MRPL48: variants seen among roughly 807,000 people sequenced by gnomAD.
MRPL48 encodes the protein mitochondrial ribosomal protein L48.
Under a neutral mutation model 32.9 loss-of-function variants are expected in MRPL48, and 16 were observed. The ratio of observed to expected loss-of-function variants is 0.49; its 90% CI spans 0.33 to 0.74. The LOEUF (loss-of-function observed/expected upper bound fraction) is 0.74. Ranked by LOEUF, MRPL48 falls within the 30% of genes least tolerant of loss-of-function variation. The probability of loss-of-function intolerance (pLI) is 0.02; values close to 1 mark genes in which losing one functional copy is unlikely to be tolerated. For missense variants in MRPL48, 206 were observed against 245.3 expected, an observed-to-expected ratio of 0.84 and a Z score of 1.07; for synonymous variants, 94 against 89.2, an observed-to-expected ratio of 1.05 and a Z score of -0.31.
intron 1 of MRPL48, 29 bp downstream of exon 1, chr11:73,788,021 C>CGGGGAGATGGCGGACGGTGCAGAGA (rs148301540): frequency 0.067 from 105,188 of 1,580,736 alleles, 11,429 homozygotes; most frequent in African/African-American, 0.12. Context: ...ACGCGGGGCG[C>CGGGGAGATGGCGGACGGTGCAGAGA]GGGGAGATGG....
chr11:73,859,653 G>A (rs145334279), intron 5 of MRPL48, among the ~76,000 whole-genome samples: 14 of 151,684 alleles, frequency 9.2e-5, no homozygotes, highest in African/African-American at 1.9e-4. Context: ...GGTTTTATTC[G>A]GAGTATTGTA....
At chr11:73,838,597 C>CGTCT (rs1338440819) in intron 4 of MRPL48, among the ~76,000 whole-genome samples, 1 of 152,222 alleles carries the variant, frequency 6.6e-6, no homozygotes, top group East Asian at 1.9e-4. Flanking sequence ...GCATTCTAGA[C>CGTCT]AGCTCTTACT....
chr11:73,824,584 C>CAA (rs962587652), intron 3 of MRPL48, among the ~76,000 whole-genome samples: 2 of 137,750 alleles, frequency 1.5e-5, no homozygotes, highest in Admixed American at 7.4e-5. Context: ...GACTCTATCT[C>CAA]AAAAAAAAAA....
chr11:73,843,675 G>A (rs988118627), intron 4 of MRPL48, among the ~76,000 whole-genome samples: 1 of 152,216 alleles, frequency 6.6e-6, no homozygotes, highest in African/African-American at 2.4e-5. Flanking sequence ...CGAGCTAGGA[G>A]TAGAAGAGAA....
intron 3 of MRPL48, among the ~76,000 whole-genome samples, chr11:73,823,476 A>T (rs945709010): frequency 2.0e-5 from 3 of 152,130 alleles, no homozygotes; most frequent in African/African-American, 7.2e-5. Flanking sequence ...GCTCAAAAAA[A>T]TTTGGTGAAA....
At chr11:73,815,510 A>G (rs1180078763) in intron 3 of MRPL48, among the ~76,000 whole-genome samples, 8 of 59,742 alleles carry the variant, frequency 1.3e-4, no homozygotes, top group East Asian at 4.3e-4. Context: ...TAAGTTTTTT[A>G]TTTGGAGTCA....
rs58486952 is a variant in MRPL48 at position 73,853,680 on chromosome 11, C to CTTTTTTTTTTTTTTTTTTTTTTTTT, written c.372-6223_372-6199dup. Among the ~76,000 whole-genome samples, 2 of 79,118 alleles carry CTTTTTTTTTTTTTTTTTTTTTTTTT rather than the reference C, an allele frequency of 2.5e-5. 1 individual carries two copies. 51.9% of individuals were successfully genotyped at this position (79,118 alleles called of 152,430 possible). A position where few individuals can be genotyped will look rare whatever the true frequency, so the allele number is the denominator to read the frequency against. ...AGCTGGCGGGAATTAGAGATAGCTTCTTTTTTTTTTTTTTTTTTTTTTTTT... is the reference window on the plus strand; with the variant it reads ...AGCTGGCGGGAATTAGAGATAGCTTCTTTTTTTTTTTTTTTTTTTTTTTTTTTTTTTTTTTTTTTTTTTTTTTTTT... On this transcript the variant is annotated intron_variant, in intron 5 of 7. Transcript: ENST00000310614.
At chr11:73,834,564 C>T (rs763608431) in intron 4 of MRPL48, among the ~76,000 whole-genome samples, 74 of 146,442 alleles carry the variant, frequency 5.1e-4, no homozygotes, top group Non-Finnish European at 8.2e-4. Flanking sequence ...GACGGAGTCT[C>T]GCTCTGTCAC....
rs770999832 is a variant in MRPL48 at position 73,825,802 on chromosome 11, G to A, written c.201+6G>A. On this transcript the variant is annotated splice_donor_region_variant and intron_variant, in intron 4 of 7. Transcript: ENST00000310614. ...ACTTAATTAAAGCAGAAGAGGTAAC[G>A]GGCAGGGGGAGTCTTTTGGAAAAGG... 6 of 1,556,320 alleles carry A rather than the reference G, an allele frequency of 3.9e-6. No individual in the cohort carries two copies. Among genetic ancestry groups the A allele is most frequent in the Admixed American group, 1.9e-5 (1 of 51,386 alleles).
At chr11:73,800,086 C>T (rs944044874) in intron 1 of MRPL48, among the ~76,000 whole-genome samples, 32 of 151,846 alleles carry the variant, frequency 2.1e-4, no homozygotes, top group Non-Finnish European at 4.4e-5. Flanking sequence ...AATAATGCCC[C>T]ATCAGAGAGG....
In MRPL48 at chr11:73,792,228, T is replaced by C. The variant is rs374790265; in HGVS notation, c.21+4236T>C. 2.0e-5 allele frequency among the ~76,000 whole-genome samples: 3 copies of C among 152,346 alleles called. No individual in the cohort carries two copies. The East Asian group carries it at 5.8e-4, about 29-fold the overall frequency. On this transcript the variant is annotated intron_variant, in intron 1 of 7. Transcript: ENST00000310614. ...TGATGATCATGATGGCAGGATGGTA[T>C]CTAGGGAAGTTAGAATGCACCAAGG...
chr11:73,842,151 A>G (rs1012879047), intron 4 of MRPL48: 10 of 152,112 alleles, frequency 6.6e-5, no homozygotes, highest in Non-Finnish European at 2.9e-5. Flanking sequence ...GGATTTTGCC[A>G]TGTTATCCAG....
At chr11:73,847,423 C>T (rs1948312954) in intron 5 of MRPL48, among the ~76,000 whole-genome samples, 1 of 150,430 alleles carries the variant, frequency 6.6e-6, no homozygotes, top group African/African-American at 2.4e-5. Flanking sequence ...CAAAATTGTT[C>T]ATCTATTTTT....
intron 3 of MRPL48, 129 bp downstream of exon 3, chr11:73,808,479 A>G (rs1448143789): frequency 2.5e-5 from 21 of 854,472 alleles, no homozygotes; most frequent in African/African-American, 3.4e-5. Context: ...CCACCCCTCC[A>G]TGTGAGCATG....
chr11:73,863,031 GA>G (rs1948610360), intron 6 of MRPL48, 140 bp from the exon 7 acceptor site: 18 of 721,924 alleles, frequency 2.5e-5, no homozygotes, highest in Non-Finnish European at 4.2e-5. Context: ...GGCCAGCTCA[GA>G]AACCAGTTTT....
In MRPL48 at chr11:73,844,918, A is replaced by G; in HGVS notation, c.313A>G (p.Ser105Gly). The G allele has an allele frequency of 6.2e-7, 1 of 1,613,722 alleles. No homozygotes were observed. The highest frequency in any genetic ancestry group is 8.5e-7 in the Non-Finnish European group (1 of 1,179,766). Reference protein sequence around the residue: ...LTAYDMTLAESYAQYVHNLCN... With the variant: ...LTAYDMTLAEGYAQYVHNLCN... ...TGCATATGATATGACCCTGGCAGAG[A>G]GTTATGCCCAGTATGTTCACAACCT... The change falls in exon 5 of 8, where the codon AGT (serine) becomes GGT (glycine). Residue 105 changes from serine (S) to glycine (G), a missense_variant. By Grantham distance (56) the Ser-to-Gly change is moderately conservative (BLOSUM62 0). Transcript: ENST00000310614.
chr11:73,817,646 C>T (rs1161462207), intron 3 of MRPL48, among the ~76,000 whole-genome samples: 1 of 152,036 alleles, frequency 6.6e-6, no homozygotes, highest in Non-Finnish European at 1.5e-5. Flanking sequence ...TTCCTTTGCC[C>T]ATGTTTCAAC....
chr11:73,834,906 A>G (rs1167331049), intron 4 of MRPL48, among the ~76,000 whole-genome samples: 1 of 150,292 alleles, frequency 6.7e-6, no homozygotes, highest in African/African-American at 2.5e-5. Context: ...ATTATAGCTC[A>G]CTGCAACCTC....
chr11:73,800,842 G>T (rs1263462351), intron 1 of MRPL48, among the ~76,000 whole-genome samples: 2 of 131,298 alleles, frequency 1.5e-5, no homozygotes, highest in Admixed American at 8.8e-5. Flanking sequence ...ATGGAGTTTC[G>T]CTCTTGTTGC....
Sources: gnomAD v4.1 joint callset for allele counts (sites outside exome capture counted in the v4.1 genomes callset) on GRCh38, gnomAD v4.1.1 for gene constraint, MANE v1.5 for transcripts, NCBI Gene and HGNC (gene_info 2026-07-23, HGNC 2026-07-21) for gene names.